CCDC171: variants seen among roughly 807,000 people sequenced by gnomAD.
CCDC171 encodes the protein coiled-coil domain containing 171.
Under a neutral mutation model 168.2 loss-of-function variants are expected in CCDC171, and 177 were observed. The observed-to-expected ratio is 1.05, with a 90% confidence interval of 0.93 to 1.19. CCDC171 has a LOEUF of 1.19. Among genes scored for constraint, CCDC171 ranks in the 50% most tolerant of loss-of-function variants. The probability of loss-of-function intolerance (pLI) is 0.00; values close to 1 mark genes in which losing one functional copy is unlikely to be tolerated. For missense variants in CCDC171, 1,991 were observed against 1,539.0 expected (o/e 1.29, Z -4.91); for synonymous variants, 687 against 540.8 (o/e 1.27, Z -3.75).
At chr9:15,773,848 T>C (rs953745643) in intron 18 of CCDC171, among the ~76,000 whole-genome samples, 5 of 152,104 alleles carry the variant, frequency 3.3e-5, no homozygotes, top group Non-Finnish European at 5.9e-5. Context: ...GCAGAGTTAA[T>C]AGACAACCCA....
chr9:15,727,880 CT>C lies in CCDC171; in HGVS notation c.1706del (p.Phe569SerfsTer10). 6.2e-7 allele frequency: 1 copy of C among 1,604,290 alleles called. No individual in the cohort carries two copies. The highest frequency in any genetic ancestry group is 8.5e-7 in the Non-Finnish European group (1 of 1,176,516). ...FHKDAEEKLT[F>X]LHTLYQHLVA... is the part of the protein sequence containing the mutation. ...TTTTTTTCCTGCAGGAGAAGCTAAC[CT>C]TCCTTCACACCTTATATCAGCACTT... On this transcript the variant is annotated frameshift_variant, in exon 15 of 26. Transcript: ENST00000380701. LOFTEE classifies it high-confidence loss of function.
intron 23 of CCDC171, among the ~76,000 whole-genome samples, chr9:15,857,184 GATT>G (rs1028724154): frequency 2.6e-5 from 4 of 151,678 alleles, no homozygotes; most frequent in East Asian, 1.9e-4. Flanking sequence ...TCATTATGTT[GATT>G]ATTATTATTA....
At chr9:15,995,640 C>G (rs2987033) in intron 3 of CCDC171, among the ~76,000 whole-genome samples, 75,779 of 152,092 alleles carry the variant, frequency 0.5, 20,258 homozygotes, top group African/African-American at 0.71. Flanking sequence ...GACTTGTTCT[C>G]GTATCAGATT....
chr9:15,777,742 C>A lies in CCDC171; in HGVS notation c.2814C>A (p.Ser938=). 1.2e-6 allele frequency: 2 copies of A among 1,613,876 alleles called. No homozygotes were observed. Among genetic ancestry groups the A allele is most frequent in the Non-Finnish European group, 1.7e-6 (2 of 1,179,980 alleles). Residue 938 remains serine, a synonymous_variant, in exon 19 of 26, where the codon TCC becomes TCA. Coordinates refer to ENST00000380701, the MANE Select transcript of CCDC171 (RefSeq NM_173550.4). ...GTATTACATATGTAGAAAAAGATTC[C>A]CTGGTTCAGAGGCTGGCCCATGGAC... ...SRSITYVEKD[S]LVQRLAHGLH...
chr9:15,688,118 C>CAAAAAA (rs33945014), intron 10 of CCDC171, among the ~76,000 whole-genome samples: 23 of 94,914 alleles, frequency 2.4e-4, no homozygotes, highest in African/African-American at 8.2e-4. Context: ...GACTCCATCT[C>CAAAAAA]AAAAAAAAAA....
intron 8 of CCDC171, among the ~76,000 whole-genome samples, chr9:15,660,207 G>C (rs1198394754): frequency 6.6e-6 from 1 of 152,198 alleles, no homozygotes; most frequent in Non-Finnish European, 1.5e-5. Context: ...GAGCATGTCT[G>C]TTTGTTAAAG....
Position 15,751,330 on chromosome 9 carries a change from C to T in CCDC171, c.2671+5699C>T, listed in dbSNP as rs766120503. Among the ~76,000 whole-genome samples, 4 of 152,276 alleles carry T rather than the reference C, an allele frequency of 2.6e-5. No individual in the cohort carries two copies. The South Asian group carries it at 6.2e-4, about 24-fold the overall frequency. Reference sequence around the variant, plus strand: ...GCTCATGGATAGGAAGAATCAATATCGTGAAAATGGCCATACTGCCCAAAA... The same window carrying T: ...GCTCATGGATAGGAAGAATCAATATTGTGAAAATGGCCATACTGCCCAAAA... On this transcript the variant is annotated intron_variant, in intron 18 of 25. Coordinates refer to ENST00000380701, the MANE Select transcript of CCDC171 (RefSeq NM_173550.4).
At chr9:15,725,311 C>A (rs2053729004) in intron 14 of CCDC171, among the ~76,000 whole-genome samples, 1 of 152,094 alleles carries the variant, frequency 6.6e-6, no homozygotes, top group Admixed American at 6.6e-5. Flanking sequence ...ATTTCAGTAG[C>A]TTGGTAGATT....
intron 10 of CCDC171, among the ~76,000 whole-genome samples, chr9:15,691,542 T>TATATATA (rs1554762137): frequency 0.04 from 4,487 of 112,556 alleles, 204 homozygotes; most frequent in Admixed American, 0.052. Flanking sequence ...TAAATATATG[T>TATATATA]TTTTTATATA....
intron 11 of CCDC171, among the ~76,000 whole-genome samples, chr9:15,696,063 G>A (rs901764545): frequency 1.3e-5 from 2 of 152,092 alleles, no homozygotes; most frequent in African/African-American, 4.8e-5. Context: ...CTTTTGCCCT[G>A]CTTTCAGCCC....
At chr9:15,921,226 T>G (rs1304086428) in intron 25 of CCDC171, among the ~76,000 whole-genome samples, 1 of 151,598 alleles carries the variant, frequency 6.6e-6, no homozygotes, top group Admixed American at 6.6e-5. Flanking sequence ...AGAAAAAGAG[T>G]TAGCATTAAA....
At chr9:15,694,472 C>A (rs1158831666) in intron 10 of CCDC171, among the ~76,000 whole-genome samples, 1 of 152,130 alleles carries the variant, frequency 6.6e-6, no homozygotes, top group Non-Finnish European at 1.5e-5. Context: ...ATGATTGATA[C>A]CTCCTGCCAA....
At chr9:15,796,047 A>AATTAC (rs2058540723) in intron 21 of CCDC171, among the ~76,000 whole-genome samples, 1 of 152,252 alleles carries the variant, frequency 6.6e-6, no homozygotes, top group Non-Finnish European at 1.5e-5. Flanking sequence ...CACAAAAATG[A>AATTAC]ATTACACATC....
intron 3 of CCDC171, among the ~76,000 whole-genome samples, chr9:16,001,853 T>C (rs75338024): frequency 6.6e-6 from 1 of 151,060 alleles, no homozygotes; most frequent in East Asian, 1.9e-4. Flanking sequence ...TTTTTTTTTT[T>C]TTGAGACAGT....
chr9:15,602,960 A>G (rs933833390), intron 6 of CCDC171, among the ~76,000 whole-genome samples: 1 of 151,584 alleles, frequency 6.6e-6, no homozygotes, highest in African/African-American at 2.4e-5. Context: ...GCCTAGCCTT[A>G]TTTAATTTTT....
At chr9:15,782,707 A>G (rs999616255) in intron 20 of CCDC171, among the ~76,000 whole-genome samples, 5 of 152,186 alleles carry the variant, frequency 3.3e-5, no homozygotes, top group African/African-American at 9.6e-5. Context: ...CAGCGCATAG[A>G]GGGATGTTAA....
At chr9:16,078,055 A>AACACACAC in the CCDC171 span, among the ~76,000 whole-genome samples, 21 of 143,900 alleles carry the variant, frequency 1.5e-4, no homozygotes, top group South Asian at 1.1e-3. Flanking sequence ...CACCCATGCA[A>AACACACAC]ACACACACAC....
chr9:15,791,523 C>G (rs1031818308), intron 21 of CCDC171, among the ~76,000 whole-genome samples: 1 of 152,204 alleles, frequency 6.6e-6, no homozygotes, highest in African/African-American at 2.4e-5. Context: ...TCTAGATATA[C>G]AATCATGTCA....
chr9:16,061,956 C>G (rs185610954), downstream of CCDC171, among the ~76,000 whole-genome samples: 470 of 152,266 alleles, frequency 3.1e-3, 2 homozygotes, highest in Non-Finnish European at 5.6e-3. Flanking sequence ...TGGCTGAATT[C>G]AAGTTACCAA....
Sources: gnomAD v4.1 joint callset for allele counts (sites outside exome capture counted in the v4.1 genomes callset) on GRCh38, gnomAD v4.1.1 for gene constraint, MANE v1.5 for transcripts, NCBI Gene and HGNC (gene_info 2026-07-23, HGNC 2026-07-21) for gene names.